Variants in DSC1 observed in about 807,000 individuals in gnomAD.
DSC1 encodes the protein desmocollin-1.
In DSC1, 79 loss-of-function variants were observed where a neutral mutation model predicts 98.8. That is an observed-to-expected ratio of 0.80 (90% confidence interval 0.67 to 0.96). The LOEUF (loss-of-function observed/expected upper bound fraction) is 0.96. Ranked by LOEUF, DSC1 falls within the 50% of genes least tolerant of loss-of-function variation. The pLI, the probability that DSC1 is intolerant of heterozygous loss-of-function variation, is 0.00. For missense variants in DSC1, 1,115 were observed against 1,075.9 expected, an observed-to-expected ratio of 1.04 and a Z score of -0.51; for synonymous variants, 405 against 372.1, an observed-to-expected ratio of 1.09 and a Z score of -1.02.
chr18:31,157,338 C>T, intron 3 of DSC1, 33 bp downstream of exon 3: 5 of 1,603,826 alleles, frequency 3.1e-6, no homozygotes, highest in Non-Finnish European at 3.4e-6. Context: ...AAGCATATTA[C>T]TGTGCTAGGC....
At chr18:31,148,108 A>T (rs774633758) in intron 6 of DSC1, among the ~76,000 whole-genome samples, 17 of 152,268 alleles carry the variant, frequency 1.1e-4, no homozygotes, top group South Asian at 8.3e-4. Flanking sequence ...AACTTTTCCT[A>T]ATGGCAAAAT....
At position 31,150,375 on chromosome 18, in the gene DSC1, T is replaced by TCAGCAGCAGCAC. The variant is rs1555645626; in HGVS notation, c.628-1734_628-1733insGTGCTGCTGCTG. Among the ~76,000 whole-genome samples the TCAGCAGCAGCAC allele has an allele frequency of 6.5e-5, 2 of 30,816 alleles. 1 individual carries two copies. Among genetic ancestry groups the TCAGCAGCAGCAC allele is most frequent in the African/African-American group, 2.7e-4 (2 of 7,378 alleles). The allele number at this position is 30,816 out of a possible 152,430, so 20.2% of individuals were successfully genotyped here. On this transcript the variant is annotated intron_variant, in intron 5 of 15. Transcript: ENST00000257198. ...ACCACCACCATCATCACCACCACCA[T>TCAGCAGCAGCAC]CATCACCACCATCACCACCATTATC...
At chr18:31,157,011 A>G (rs550538442) in intron 3 of DSC1, among the ~76,000 whole-genome samples, 1 of 152,318 alleles carries the variant, frequency 6.6e-6, no homozygotes, top group East Asian at 1.9e-4. Context: ...AGAGCCGCAC[A>G]GGGTGGAGCC....
At chr18:31,144,055 G>A (rs945993271) in intron 7 of DSC1, among the ~76,000 whole-genome samples, 4 of 151,788 alleles carry the variant, frequency 2.6e-5, no homozygotes, top group African/African-American at 7.3e-5. Flanking sequence ...GAGTGCAGGC[G>A]CCCACCACCA....
chr18:31,159,146 T>C (rs376559008), intron 2 of DSC1, among the ~76,000 whole-genome samples: 1,552 of 62,004 alleles, frequency 0.025, 88 homozygotes, highest in African/African-American at 0.079. Context: ...CTCCGCCTCT[T>C]GGGTTCACGC....
rs917851727 is a variant in DSC1, at chr18:31,134,756, T to C, written c.1692A>G (p.Val564=). 1 of 1,612,634 alleles carries C rather than the reference T, an allele frequency of 6.2e-7. No individual in the cohort carries two copies. Among genetic ancestry groups the C allele is most frequent in the Non-Finnish European group, 8.5e-7 (1 of 1,178,980 alleles). The change falls in exon 12 of 16, where the codon GTA becomes GTG. Residue 564 remains valine (V), a synonymous_variant. Coordinates refer to ENST00000257198, the MANE Select transcript of DSC1 (RefSeq NM_024421.2). ...AVGRSCTGTL[V]VHLDDYNDHA... is the part of the protein sequence containing the mutation. ...GATCGTTGTAATCATCCAAATGAACTACTAATGTTCCAGTGCAAGATCGGC... is the reference window on the plus strand; with the variant it reads ...GATCGTTGTAATCATCCAAATGAACCACTAATGTTCCAGTGCAAGATCGGC...
Position 31,129,687 on chromosome 18 carries a change from T to C in DSC1, c.*827A>G, listed in dbSNP as rs1415486696. On this transcript the variant is annotated 3_prime_UTR_variant, in exon 16 of 16. Transcript: ENST00000257198. ...GAATGTTTTTGCTAAAGTATTTATA[T>C]TTTTAAAATGTTAGTAGTAAACCAT... 6.6e-6 allele frequency: 1 copy of C among 152,206 alleles called. No homozygotes were observed. The highest frequency in any genetic ancestry group is 6.5e-5 in the Admixed American group (1 of 15,272). The allele number at this position is 152,206 out of a possible 1,614,324, so 9.4% of individuals were successfully genotyped here. A position where few individuals can be genotyped will look rare whatever the true frequency, so the allele number is the denominator to read the frequency against.
At chr18:31,145,522 C>A in intron 7 of DSC1, 89 bp downstream of exon 7, 1 of 1,448,506 alleles carries the variant, frequency 6.9e-7, no homozygotes. Flanking sequence ...AGAAAGGAGG[C>A]CAGACTGGCC....
rs1181310628 is a variant in DSC1, at chr18:31,155,598, C to G, written c.471+445G>C. ...TGAGCTGAGCTGATGCCACTATACT[C>G]CAAAATTTCAAAACTGTTCTATGTT... On this transcript the variant is annotated intron_variant, in intron 4 of 15. Transcript: ENST00000257198. Among the ~76,000 whole-genome samples, 7 of 152,264 alleles carry G rather than the reference C, an allele frequency of 4.6e-5. No homozygotes were observed. In the South Asian group the frequency reaches 6.2e-4, roughly 14 times the overall value.
intron 7 of DSC1, among the ~76,000 whole-genome samples, chr18:31,144,943 T>TC (rs1988813451): frequency 6.9e-6 from 1 of 144,562 alleles, no homozygotes; most frequent in African/African-American, 2.5e-5. Flanking sequence ...TTTCTTTCTT[T>TC]TTTTTTTTTT....
chr18:31,137,965 A>ATGTGTG lies in DSC1; in HGVS notation c.1663+1777_1663+1782dup, dbSNP rs201493651. 8.5e-3 allele frequency among the ~76,000 whole-genome samples: 1,198 copies of ATGTGTG among 141,600 alleles called. 6 individuals are homozygous for ATGTGTG. The highest frequency in any genetic ancestry group is 0.014 in the Middle Eastern group (4 of 286). 92.9% of individuals were successfully genotyped at this position (141,600 alleles called of 152,430 possible). ...GAATAATCATGAGCATCAGAGCAAAATGTGTGTGTGTGTGTGTGTGTGTGT... is the reference window on the plus strand; with the variant it reads ...GAATAATCATGAGCATCAGAGCAAAATGTGTGTGTGTGTGTGTGTGTGTGTGTGTGT... On this transcript the variant is annotated intron_variant, in intron 11 of 15. Transcript: ENST00000257198.
intron 13 of DSC1, among the ~76,000 whole-genome samples, chr18:31,133,343 G>GCACA (rs1349771582): frequency 3.9e-5 from 6 of 152,088 alleles, no homozygotes; most frequent in African/African-American, 1.4e-4. Flanking sequence ...ATAACAGTTT[G>GCACA]CACAATGCAA....
Position 31,162,646 on chromosome 18 carries a change from G to C in DSC1, c.-52C>G, listed in dbSNP as rs531366302. On this transcript the variant is annotated 5_prime_UTR_variant, in exon 1 of 16. Transcript: ENST00000257198. Reference sequence around the variant, plus strand: ...GGTGGCCAGATAACAGGGCAGCCTGGGATGCACAGAGCGGCTAAGAAGACG... The same window carrying C: ...GGTGGCCAGATAACAGGGCAGCCTGCGATGCACAGAGCGGCTAAGAAGACG... 6.4e-7 allele frequency: 1 copy of C among 1,551,470 alleles called. No individual in the cohort carries two copies. The highest frequency in any genetic ancestry group is 1.4e-5 in the African/African-American group (1 of 73,698).
In DSC1 at chr18:31,131,718, G is replaced by T; in HGVS notation, c.2363C>A (p.Thr788Asn). Residue 788 changes from threonine (T) to asparagine (N), a missense_variant, in exon 15 of 16, where the codon ACT (threonine) becomes AAT (asparagine). Transcript: ENST00000257198. Reference protein sequence around the residue: ...QSFEMVKGGYTLDSNKGGGHQ... With the variant: ...QSFEMVKGGYNLDSNKGGGHQ... ...TCCACCTCCTTTGTTGGAATCCAAA[G>T]TGTAGCCTCCTTTGACCATCTCAAA... The T allele has an allele frequency of 6.2e-7, 1 of 1,614,094 alleles. No individual in the cohort carries two copies. The highest frequency in any genetic ancestry group is 8.5e-7 in the Non-Finnish European group (1 of 1,179,982).
chr18:31,141,721 G>A (rs1163421081), intron 9 of DSC1, among the ~76,000 whole-genome samples: 1 of 152,070 alleles, frequency 6.6e-6, no homozygotes, highest in Non-Finnish European at 1.5e-5. Flanking sequence ...AAGTGTCTAA[G>A]ACCCCTTCTA....
intron 5 of DSC1, 110 bp from the exon 6 acceptor site, chr18:31,148,752 A>G (rs1285045530): frequency 9.1e-7 from 1 of 1,102,498 alleles, no homozygotes; most frequent in Non-Finnish European, 1.3e-6. Context: ...TCATTCCCAA[A>G]GACCCGTAAC....
In DSC1 at chr18:31,148,638, T is replaced by C; in HGVS notation, c.632A>G (p.Tyr211Cys). ...GCCATCTGCAGTTGTTGCATAGCCA[T>C]ATAACTGAAAGAAGGGAAAATACCA... Reference protein sequence around the residue: ...DREKYEQFALYGYATTADGYA... With the variant: ...DREKYEQFALCGYATTADGYA... The change falls in exon 6 of 16, where the codon TAT becomes TGT. Residue 211 changes from tyrosine to cysteine, a missense_variant. Transcript: ENST00000257198. 2 of 1,575,964 alleles carry C rather than the reference T, an allele frequency of 1.3e-6. No homozygotes were observed. Among genetic ancestry groups the C allele is most frequent in the South Asian group, 2.3e-5 (2 of 85,986 alleles).
At chr18:31,157,709 T>C in intron 2 of DSC1, 136 bp from the exon 3 acceptor site, 1 of 829,858 alleles carries the variant, frequency 1.2e-6, no homozygotes, top group Non-Finnish European at 1.9e-6. Flanking sequence ...CAGCACCTGC[T>C]ATTCTAAAAC....
At chr18:31,147,648 C>T (rs571056847) in intron 6 of DSC1, among the ~76,000 whole-genome samples, 4 of 152,034 alleles carry the variant, frequency 2.6e-5, no homozygotes, top group Non-Finnish European at 4.4e-5. Context: ...TCATCCTAAA[C>T]GCTGGTTACA....
Sources: allele counts gnomAD v4.1 joint callset (sites outside exome capture counted in the v4.1 genomes callset), GRCh38; gene constraint gnomAD v4.1.1; transcripts MANE v1.5; gene names NCBI Gene and HGNC (gene_info 2026-07-23, HGNC 2026-07-21).